The following CFAP20DC variants were observed in gnomAD, a reference collection of about 807,000 sequenced individuals.
CFAP20DC encodes the protein CFAP20 domain containing.
CFAP20DC carries 84 observed loss-of-function variants against 101.7 expected under a neutral mutation model. The ratio of observed to expected loss-of-function variants is 0.83; its 90% CI spans 0.69 to 0.99. The LOEUF is 0.99. Ranked by LOEUF, CFAP20DC falls within the 50% of genes least tolerant of loss-of-function variation. The pLI is 0.00. For missense variants in CFAP20DC, 1,007 were observed against 970.3 expected, an observed-to-expected ratio of 1.04 and a Z score of -0.50; for synonymous variants, 359 against 351.2, an observed-to-expected ratio of 1.02 and a Z score of -0.25.
intron 6 of CFAP20DC, among the ~76,000 whole-genome samples, chr3:58,890,417 T>G (rs866454775): frequency 2.0e-5 from 2 of 99,264 alleles, no homozygotes; most frequent in African/African-American, 8.0e-5. Flanking sequence ...CCGGACGGGG[T>G]GGCTGGCCGG....
At chr3:59,000,440 C>G (rs1411701866) in intron 4 of CFAP20DC, among the ~76,000 whole-genome samples, 1 of 152,096 alleles carries the variant, frequency 6.6e-6, no homozygotes, top group Non-Finnish European at 1.5e-5. Flanking sequence ...ATGGTAAAGA[C>G]AGTAATGCTT....
At chr3:58,801,878 C>G (rs916087666) in intron 15 of CFAP20DC, among the ~76,000 whole-genome samples, 1 of 152,198 alleles carries the variant, frequency 6.6e-6, no homozygotes, top group African/African-American at 2.4e-5. Flanking sequence ...TTAAAAACTA[C>G]AGATAAGTGA....
chr3:59,031,276 G>A (rs1005590700), intron 4 of CFAP20DC, among the ~76,000 whole-genome samples: 3 of 152,120 alleles, frequency 2.0e-5, no homozygotes, highest in African/African-American at 7.2e-5. Context: ...CAAATGTCTT[G>A]TACAATTTTG....
In CFAP20DC at chr3:58,899,131, G is replaced by A. The variant is rs1322740282; in HGVS notation, c.551-14422C>T. 6.6e-6 allele frequency among the ~76,000 whole-genome samples: 1 copy of A among 152,170 alleles called. No homozygotes were observed. The highest frequency in any genetic ancestry group is 6.5e-5 in the Admixed American group (1 of 15,286). ...ACTGCACCTGTAGGAGGAGGCTGGA[G>A]ACCCCTGTTGGGAGGTCTCATCCAG... On this transcript the variant is annotated intron_variant, in intron 6 of 16. Coordinates refer to ENST00000482387, the MANE Select transcript of CFAP20DC (RefSeq NM_001394063.1). This position sits in a 1 kb window ranked among gnomAD's most constrained non-coding sequence, Gnocchi z 5.0.
chr3:58,823,366 C>T (rs1310375401), intron 14 of CFAP20DC, among the ~76,000 whole-genome samples: 2 of 152,098 alleles, frequency 1.3e-5, no homozygotes, highest in Admixed American at 1.3e-4. Context: ...TTGATTTTGG[C>T]ATTCAGTCAT....
At position 58,721,456 on chromosome 3, in the gene CFAP20DC, A is replaced by G. The variant is rs1336833913; in HGVS notation, c.198-3828T>C. 6.6e-6 allele frequency among the ~76,000 whole-genome samples: 1 copy of G among 152,194 alleles called. No individual in the cohort carries two copies. The highest frequency in any genetic ancestry group is 2.4e-5 in the African/African-American group (1 of 41,428). ...TTATTCCAGGAGTCTGACCTAATGA[A>G]GAAGGTCAGGGAAGTTTTCCACAAA... On this transcript the variant is annotated intron_variant, in intron 3 of 3. Transcript: ENST00000486145. This position sits in a 1 kb window ranked among gnomAD's most constrained non-coding sequence, Gnocchi z 5.2.
rs948845850 is a variant in CFAP20DC, at chr3:58,912,405, T to G, written c.550+1303A>C. On this transcript the variant is annotated intron_variant, in intron 6 of 16. Transcript: ENST00000482387. This position sits in a 1 kb window ranked among gnomAD's most constrained non-coding sequence, Gnocchi z 4.4. ...TGAGCAGCCACACTGTGGTGTGTGATCTCTTTGGAGAGCTGTTAATACACT... is the reference window on the plus strand; with the variant it reads ...TGAGCAGCCACACTGTGGTGTGTGAGCTCTTTGGAGAGCTGTTAATACACT... Among the ~76,000 whole-genome samples, 2 of 152,158 alleles carry G rather than the reference T, an allele frequency of 1.3e-5. No homozygotes were observed. The highest frequency in any genetic ancestry group is 4.8e-5 in the African/African-American group (2 of 41,452).
In CFAP20DC at chr3:58,798,284, T is replaced by C. The variant is rs529911048; in HGVS notation, c.2237+8111A>G. Among the ~76,000 whole-genome samples, 103 of 152,268 alleles carry C rather than the reference T, an allele frequency of 6.8e-4. No individual in the cohort carries two copies. The Middle Eastern group carries it at 0.01, about 15-fold the overall frequency. On this transcript the variant is annotated intron_variant, in intron 15 of 16. Transcript: ENST00000482387. ...CAGCATTCATGGGAGGAGGTCAAAA[T>C]ATCAACATGACCAGAAGTTTGGGAG... is the stretch of plus-strand genomic sequence containing the variant.
chr3:58,873,691 C>G (rs2080476442), intron 7 of CFAP20DC, among the ~76,000 whole-genome samples: 1 of 151,682 alleles, frequency 6.6e-6, no homozygotes, highest in Non-Finnish European at 1.5e-5. Context: ...TGCTGTCAGG[C>G]AGGTGCTCAA....
At chr3:58,951,148 A>G (rs2090058387) in intron 4 of CFAP20DC, among the ~76,000 whole-genome samples, 1 of 152,064 alleles carries the variant, frequency 6.6e-6, no homozygotes, top group South Asian at 2.1e-4. Flanking sequence ...CAAAAGACAC[A>G]TGAAAAAATG....
At chr3:58,927,605 G>A (rs1332336388) in intron 5 of CFAP20DC, among the ~76,000 whole-genome samples, 6 of 152,282 alleles carry the variant, frequency 3.9e-5, no homozygotes, top group South Asian at 2.1e-4. Context: ...GGAATTTTAC[G>A]TGAAATTTCC....
rs543649436 is a variant in CFAP20DC, at chr3:59,026,608, T to C, written c.278+12949A>G. ...AATTTAGGTATGCTCTCAACTCCAG[T>C]GGCTTTAAAGAGGCTGAGGAAGACC... is the stretch of plus-strand genomic sequence containing the variant. On this transcript the variant is annotated intron_variant, in intron 4 of 16. Coordinates refer to ENST00000482387, the MANE Select transcript of CFAP20DC (RefSeq NM_001394063.1). Among the ~76,000 whole-genome samples the C allele has an allele frequency of 7.2e-4, 110 of 152,272 alleles. 2 individuals are homozygous for C. Among genetic ancestry groups the C allele is most frequent in the African/African-American group, 2.6e-3 (108 of 41,558 alleles).
At chr3:58,907,952 T>C (rs888068405) in intron 6 of CFAP20DC, among the ~76,000 whole-genome samples, 3 of 152,184 alleles carry the variant, frequency 2.0e-5, no homozygotes, top group African/African-American at 7.2e-5. Context: ...ATAAGGTTTC[T>C]TTTCAGGCCT....
chr3:58,751,082 T>C (rs2068531443), intron 16 of CFAP20DC, among the ~76,000 whole-genome samples: 1 of 150,658 alleles, frequency 6.6e-6, no homozygotes, highest in South Asian at 2.1e-4. Context: ...TCAACCTCCT[T>C]TCCTCCCTTT....
intron 5 of CFAP20DC, among the ~76,000 whole-genome samples, chr3:58,925,569 T>C (rs1015776056): frequency 1.3e-5 from 2 of 152,236 alleles, no homozygotes; most frequent in Non-Finnish European, 2.9e-5. Context: ...ATACCATATT[T>C]ACAAGTTAAT....
At chr3:58,983,502 T>C (rs2092652517) in intron 4 of CFAP20DC, among the ~76,000 whole-genome samples, 1 of 152,156 alleles carries the variant, frequency 6.6e-6, no homozygotes, top group African/African-American at 2.4e-5. Flanking sequence ...TATTTTCTAT[T>C]TGAAAGATTT....
At chr3:58,719,819 C>T (rs1167027318) in intron 3 of CFAP20DC, among the ~76,000 whole-genome samples, 1 of 152,218 alleles carries the variant, frequency 6.6e-6, no homozygotes, top group Non-Finnish European at 1.5e-5. Flanking sequence ...AGGAGTCAGA[C>T]AGAACTGACT....
chr3:58,735,067 A>G (rs1416445438), intron 3 of CFAP20DC, among the ~76,000 whole-genome samples: 1 of 152,174 alleles, frequency 6.6e-6, no homozygotes, highest in Non-Finnish European at 1.5e-5. Flanking sequence ...ATAATATTTA[A>G]CTTAATAATG....
At position 58,851,739 on chromosome 3, in the gene CFAP20DC, C is replaced by T. The variant is rs562011221; in HGVS notation, c.1594-2330G>A. Reference sequence around the variant, plus strand: ...GTCGATGTACTCTTTTTTTATATTACTAACTGAAAAAAAAACATGCCTCTT... The same window carrying T: ...GTCGATGTACTCTTTTTTTATATTATTAACTGAAAAAAAAACATGCCTCTT... On this transcript the variant is annotated intron_variant, in intron 12 of 16. Transcript: ENST00000482387. Among the ~76,000 whole-genome samples, 28 of 151,568 alleles carry T rather than the reference C, an allele frequency of 1.8e-4. 1 individual carries two copies. The highest frequency in any genetic ancestry group is 6.8e-4 in the African/African-American group (28 of 41,332).
Sources: allele counts gnomAD v4.1 joint callset (sites outside exome capture counted in the v4.1 genomes callset), GRCh38; gene constraint gnomAD v4.1.1; non-coding constraint Gnocchi (gnomAD v3.1); transcripts MANE v1.5; gene names NCBI Gene and HGNC (gene_info 2026-07-23, HGNC 2026-07-21).